Variants in TOP3A observed in about 807,000 individuals in gnomAD.
The protein encoded by TOP3A is DNA topoisomerase 3-alpha.
In TOP3A, 64 loss-of-function variants were observed where a neutral mutation model predicts 111.3. That is an observed-to-expected ratio of 0.57 (90% CI 0.47 to 0.71). The LOEUF (loss-of-function observed/expected upper bound fraction) is 0.71, where lower values mean the gene tolerates loss of function less well. Ranked by LOEUF, TOP3A falls within the 30% of genes least tolerant of loss-of-function variation. The pLI, the probability that TOP3A is intolerant of heterozygous loss-of-function variation, is 0.00. For missense variants in TOP3A, 1,104 were observed against 1,285.0 expected, an observed-to-expected ratio of 0.86 and a Z score of 2.15; for synonymous variants, 484 against 485.1, an observed-to-expected ratio of 1.00 and a Z score of 0.03.
At chr17:18,291,104 G>A (rs1597968425) in intron 11 of TOP3A, 77 bp from the exon 12 acceptor site, 1 of 1,470,260 alleles carries the variant, frequency 6.8e-7, no homozygotes, top group Admixed American at 1.9e-5. Context: ...GGTAGCCTTA[G>A]CCTAATGTCC....
At chr17:18,280,333 A>T (rs149286967) in intron 17 of TOP3A, 63 of 486,540 alleles carry the variant, frequency 1.3e-4, no homozygotes, top group African/African-American at 1.2e-3. Context: ...CACTCCAAAC[A>T]GGGTCATACC....
intron 17 of TOP3A, 176 bp downstream of exon 17, chr17:18,280,360 G>A (rs1979679405): frequency 3.2e-6 from 2 of 623,414 alleles, no homozygotes; most frequent in Non-Finnish European, 5.3e-6. Context: ...AGCAGTGACA[G>A]CATGGAACAC....
chr17:18,313,937 G>A (rs537157038), intron 1 of TOP3A, among the ~76,000 whole-genome samples: 41 of 152,268 alleles, frequency 2.7e-4, no homozygotes, highest in African/African-American at 9.9e-4. Context: ...TATGTCTCCC[G>A]TGGCACCTCC....
chr17:18,304,185 G>C (rs896196899), intron 5 of TOP3A, among the ~76,000 whole-genome samples: 6 of 152,138 alleles, frequency 3.9e-5, no homozygotes, highest in African/African-American at 1.2e-4. Context: ...GGCTGGTCTT[G>C]AACACCTGAC....
intron 1 of TOP3A, chr17:18,312,764 C>T (rs543284043): frequency 3.9e-5 from 8 of 203,910 alleles, no homozygotes; most frequent in Admixed American, 2.7e-4. Flanking sequence ...GCCAAAATGA[C>T]GAACACAAAG....
chr17:18,299,784 T>C (rs1597979010), intron 8 of TOP3A, 151 bp from the exon 9 acceptor site: 5 of 710,184 alleles, frequency 7.0e-6, no homozygotes, highest in Non-Finnish European at 1.3e-5. Flanking sequence ...CCACTTAATG[T>C]CGCTTGTAGC....
intron 7 of TOP3A, 31 bp from the exon 8 acceptor site, chr17:18,302,016 G>A (rs201429918): frequency 6.3e-7 from 1 of 1,585,390 alleles, no homozygotes; most frequent in African/African-American, 1.3e-5. Context: ...CAGAAAGGCT[G>A]TGTCTCAGAG....
At chr17:18,304,589 GTATAA>G (rs996016779) in intron 5 of TOP3A, among the ~76,000 whole-genome samples, 11 of 151,982 alleles carry the variant, frequency 7.2e-5, no homozygotes, top group African/African-American at 1.2e-4. Flanking sequence ...GTCGAGCATT[GTATAA>G]TATGAGAGAT....
At chr17:18,275,676 T>C (rs1306256821) in intron 18 of TOP3A, among the ~76,000 whole-genome samples, 3 of 138,356 alleles carry the variant, frequency 2.2e-5, no homozygotes, top group Non-Finnish European at 4.7e-5. Context: ...TTTTTTGAGG[T>C]GGAGTCTGGC....
chr17:18,278,351 C>A lies in TOP3A; in HGVS notation c.2151G>T (p.Lys717Asn), dbSNP rs775780245. The part of the protein sequence containing the change: ...VCQPHPVYRL[K>N]LKFKRGSLPP... ...GAAGGCTACCGCGCTTAAACTTTAACTTTAACCTAGTGAGGCCAGAAGATG... is the reference window on the plus strand; with the variant it reads ...GAAGGCTACCGCGCTTAAACTTTAAATTTAACCTAGTGAGGCCAGAAGATG... Residue 717 changes from lysine (K) to asparagine (N), a missense_variant, in exon 18 of 19, where the codon AAG becomes AAT. Physicochemically the swap from Lys to Asn is moderately conservative, Grantham distance 94. Transcript: ENST00000321105. The A allele has an allele frequency of 2.0e-6, 3 of 1,512,110 alleles. No homozygotes were observed. Among genetic ancestry groups the A allele is most frequent in the African/African-American group, 2.8e-5 (2 of 71,572 alleles). The allele number at this position is 1,512,110 out of a possible 1,614,324, so 93.7% of individuals were successfully genotyped here. A position where few individuals can be genotyped will look rare whatever the true frequency, so the allele number is the denominator to read the frequency against.
intron 1 of TOP3A, chr17:18,313,668 T>C (rs971416264): frequency 6.6e-6 from 1 of 151,706 alleles, no homozygotes; most frequent in African/African-American, 2.4e-5. Flanking sequence ...TTTCAATGTC[T>C]ACTTCATTGT....
intron 4 of TOP3A, 67 bp from the exon 5 acceptor site, chr17:18,305,287 G>T: frequency 7.7e-7 from 1 of 1,295,944 alleles, no homozygotes; most frequent in Non-Finnish European, 1.1e-6. Flanking sequence ...ACATCTCTAA[G>T]CTAAGGGGAT....
chr17:18,305,484 ACACGCGCGCGCG>A (rs932717618), intron 4 of TOP3A, among the ~76,000 whole-genome samples: 2 of 147,882 alleles, frequency 1.4e-5, no homozygotes, highest in Non-Finnish European at 3.0e-5. Context: ...TAACACACAC[ACACGCGCGCGCG>A]CGCGCGCGCA....
Position 18,280,606 on chromosome 17 carries a change from GA to G in TOP3A, c.2073del (p.Pro692LeufsTer25). 1 of 1,614,118 alleles carries G rather than the reference GA, an allele frequency of 6.2e-7. No homozygotes were observed. The highest frequency in any genetic ancestry group is 8.5e-7 in the Non-Finnish European group (1 of 1,179,994). ...GFPECRSAVW[L>X]PDSVLEASRD... ...CTGCTGGCCTCCAGCACCGAGTCAG[GA>G]AGCCACACAGCTGAGCGACACTCTG... On this transcript the variant is annotated frameshift_variant, in exon 17 of 19. Transcript: ENST00000321105. LOFTEE classifies it high-confidence loss of function.
At chr17:18,288,153 T>TATAAA (rs1567739499) in intron 13 of TOP3A, among the ~76,000 whole-genome samples, 5 of 79,838 alleles carry the variant, frequency 6.3e-5, no homozygotes, top group African/African-American at 2.0e-4. Flanking sequence ...ATATATAAAT[T>TATAAA]TTTTTTTTTT....
chr17:18,310,694 T>C (rs1233040250), intron 1 of TOP3A, among the ~76,000 whole-genome samples: 2 of 152,284 alleles, frequency 1.3e-5, no homozygotes, highest in African/African-American at 2.4e-5. Flanking sequence ...TGGAACTAGA[T>C]AATGATGATG....
At chr17:18,300,470 C>G (rs1981157082) in intron 8 of TOP3A, among the ~76,000 whole-genome samples, 1 of 152,034 alleles carries the variant, frequency 6.6e-6, no homozygotes, top group African/African-American at 2.4e-5. Context: ...TCATAGTTTA[C>G]ATCACCCACC....
chr17:18,294,707 G>T lies in TOP3A; in HGVS notation c.1069C>A (p.Gln357Lys). The change falls in exon 10 of 19, where the codon CAA (glutamine) becomes AAA (lysine). Residue 357 changes from glutamine to lysine, a missense_variant. Physicochemically the swap from Gln to Lys is moderately conservative, Grantham distance 53. Transcript: ENST00000321105. ...TCCCAAACCCAAAATACTTACCCTT[G>T]AGTGTAGAGCTTCTCAGCAATCCTC... is the stretch of plus-strand genomic sequence containing the variant. ...TMRIAEKLYT[Q>K]GYISYPRTET... is the part of the protein sequence containing the mutation. 1 of 1,610,336 alleles carries T rather than the reference G, an allele frequency of 6.2e-7. No homozygotes were observed. The highest frequency in any genetic ancestry group is 1.1e-5 in the South Asian group (1 of 90,958).
intron 8 of TOP3A, among the ~76,000 whole-genome samples, chr17:18,300,172 C>A (rs1215617071): frequency 1.2e-5 from 1 of 83,850 alleles, no homozygotes; most frequent in Admixed American, 1.2e-4. Context: ...CCGAGGCGGG[C>A]GGATTACAAG....
Sources: gnomAD v4.1 joint callset for allele counts (sites outside exome capture counted in the v4.1 genomes callset) on GRCh38, gnomAD v4.1.1 for gene constraint, MANE v1.5 for transcripts, NCBI Gene and HGNC (gene_info 2026-07-23, HGNC 2026-07-21) for gene names.